AGBL4: variants seen among roughly 807,000 people sequenced by gnomAD.
AGBL4 encodes the protein cytosolic carboxypeptidase 6.
In AGBL4, 58 loss-of-function variants were observed where a neutral mutation model predicts 66.4. The ratio of observed to expected loss-of-function variants is 0.87; its 90% confidence interval spans 0.71 to 1.09. The LOEUF is 1.09. Among genes scored for constraint, AGBL4 ranks in the 50% least tolerant of loss-of-function variants. The pLI is 0.00. For synonymous variants in AGBL4, 234 were observed against 222.9 expected, an observed-to-expected ratio of 1.05 and a Z score of -0.44; for missense variants, 579 against 631.0, an observed-to-expected ratio of 0.92 and a Z score of 0.88.
In AGBL4 at chr1:49,645,395, T is replaced by C. The variant is rs565820760; in HGVS notation, c.282+51918A>G. Among the ~76,000 whole-genome samples, 8 of 106,656 alleles carry C rather than the reference T, an allele frequency of 7.5e-5. No homozygotes were observed. In the East Asian group the frequency reaches 1.6e-3, roughly 22 times the overall value. 70.0% of individuals were successfully genotyped at this position (106,656 alleles called of 152,430 possible). On this transcript the variant is annotated intron_variant, in intron 3 of 13. Coordinates refer to ENST00000371839, the MANE Select transcript of AGBL4 (RefSeq NM_032785.4). ...ATGACAACACTATAGCCTATAATTATCAAAAAAAATTATTATGACAATTTC... is the reference window on the plus strand; with the variant it reads ...ATGACAACACTATAGCCTATAATTACCAAAAAAAATTATTATGACAATTTC...
At chr1:48,585,873 T>C (rs1283397421) in intron 11 of AGBL4, 3 of 152,150 alleles carry the variant, frequency 2.0e-5, no homozygotes, top group Non-Finnish European at 4.4e-5. Context: ...CCCTAAGTCA[T>C]GCCACGTTCA....
chr1:48,803,939 A>G (rs781057784), intron 6 of AGBL4, among the ~76,000 whole-genome samples: 7 of 152,146 alleles, frequency 4.6e-5, no homozygotes, highest in Non-Finnish European at 7.4e-5. Context: ...TTAGTATGTC[A>G]TTTTGTCATT....
intron 5 of AGBL4, among the ~76,000 whole-genome samples, chr1:48,900,454 A>C (rs1326678594): frequency 6.6e-6 from 1 of 152,210 alleles, no homozygotes; most frequent in East Asian, 1.9e-4. Context: ...AGAAAGAACA[A>C]AGTTGATGTA....
At chr1:49,936,290 AAG>A (rs1209287984) in intron 1 of AGBL4, among the ~76,000 whole-genome samples, 1 of 152,152 alleles carries the variant, frequency 6.6e-6, no homozygotes, top group African/African-American at 2.4e-5. Flanking sequence ...TTAGAGAAAA[AAG>A]AATAAAAAGA....
In AGBL4 at chr1:48,694,196, C is replaced by T. The variant is rs1421669781; in HGVS notation, c.635-30955G>A. Among the ~76,000 whole-genome samples the T allele has an allele frequency of 2.6e-5, 4 of 152,138 alleles. No homozygotes were observed. The East Asian group carries it at 7.7e-4, about 29-fold the overall frequency. ...TGGTGCACAAACGAGCGTACCTCACCCCTTAGGAATCCTACAGCAGCAGAG... is the reference window on the plus strand; with the variant it reads ...TGGTGCACAAACGAGCGTACCTCACTCCTTAGGAATCCTACAGCAGCAGAG... On this transcript the variant is annotated intron_variant, in intron 6 of 13. Coordinates refer to ENST00000371839, the MANE Select transcript of AGBL4 (RefSeq NM_032785.4).
intron 5 of AGBL4, among the ~76,000 whole-genome samples, chr1:48,938,517 G>A (rs1198933345): frequency 1.3e-5 from 2 of 152,080 alleles, no homozygotes; most frequent in African/African-American, 4.8e-5. Context: ...CATTTAAACG[G>A]GAATGATAAG....
chr1:48,850,850 A>T (rs187527606), intron 6 of AGBL4, among the ~76,000 whole-genome samples: 1 of 152,342 alleles, frequency 6.6e-6, no homozygotes, highest in East Asian at 1.9e-4. Context: ...AAGGCAGCTG[A>T]GAAATCAGAA....
At chr1:49,847,807 T>C (rs1324806519) in intron 2 of AGBL4, among the ~76,000 whole-genome samples, 1 of 151,906 alleles carries the variant, frequency 6.6e-6, no homozygotes, top group Non-Finnish European at 1.5e-5. Flanking sequence ...GTTCATGCCA[T>C]TCTCCTGCCT....
intron 1 of AGBL4, among the ~76,000 whole-genome samples, chr1:49,938,320 C>A (rs1654332436): frequency 6.6e-6 from 1 of 152,130 alleles, no homozygotes; most frequent in Admixed American, 6.5e-5. Flanking sequence ...CCTGAATAGA[C>A]CAATAACAGG....
intron 5 of AGBL4, among the ~76,000 whole-genome samples, chr1:48,910,445 T>C (rs1169052389): frequency 6.6e-6 from 1 of 152,194 alleles, no homozygotes; most frequent in East Asian, 1.9e-4. Flanking sequence ...AACAGTTATT[T>C]TGAGATGCTC....
At position 49,983,450 on chromosome 1, in the gene AGBL4, T is replaced by G. The variant is rs374205152; in HGVS notation, c.34+40313A>C. 3.4e-4 allele frequency among the ~76,000 whole-genome samples: 52 copies of G among 152,324 alleles called. 1 individual carries two copies. The South Asian group carries it at 9.5e-3, about 28-fold the overall frequency. On this transcript the variant is annotated intron_variant, in intron 1 of 13. Transcript: ENST00000371839. ...ACAGTGGTGGGACCCCATGCTCACT[T>G]GCTCACACACCGCTCGCTGCTCTAC...
At chr1:48,644,038 T>C (rs1328183338) in intron 8 of AGBL4, among the ~76,000 whole-genome samples, 1 of 152,204 alleles carries the variant, frequency 6.6e-6, no homozygotes, top group East Asian at 1.9e-4. Context: ...CCTATTTTTC[T>C]GATCCCTGTA....
Position 49,511,371 on chromosome 1 carries a change from T to C in AGBL4, c.282+185942A>G, listed in dbSNP as rs1475819464. ...ATCGCAAGAACAAAAAACCAAACAC[T>C]ACATATTCTCACTCATAGGTGGGAA... is the stretch of plus-strand genomic sequence containing the variant. On this transcript the variant is annotated intron_variant, in intron 3 of 13. Coordinates refer to ENST00000371839, the MANE Select transcript of AGBL4 (RefSeq NM_032785.4). Among the ~76,000 whole-genome samples the C allele has an allele frequency of 3.9e-4, 57 of 145,634 alleles. 1 individual carries two copies. The highest frequency in any genetic ancestry group is 1.4e-3 in the African/African-American group (55 of 39,566).
At chr1:49,090,147 G>T (rs1221845833) in intron 4 of AGBL4, among the ~76,000 whole-genome samples, 1 of 152,072 alleles carries the variant, frequency 6.6e-6, no homozygotes, top group Non-Finnish European at 1.5e-5. Context: ...ATGGGTAAAA[G>T]CTGGAAGCAT....
chr1:48,835,973 T>C (rs1403794344), intron 6 of AGBL4, among the ~76,000 whole-genome samples: 1 of 152,122 alleles, frequency 6.6e-6, no homozygotes, highest in East Asian at 1.9e-4. Context: ...TGAAAGGTTT[T>C]AAGCCAGTGG....
intron 3 of AGBL4, among the ~76,000 whole-genome samples, chr1:49,304,876 T>A (rs1210847730): frequency 6.6e-6 from 1 of 152,224 alleles, no homozygotes; most frequent in African/African-American, 2.4e-5. Context: ...TTGACAAATA[T>A]GTATGTTATC....
At chr1:48,913,389 G>C (rs1371069227) in intron 5 of AGBL4, among the ~76,000 whole-genome samples, 1 of 152,166 alleles carries the variant, frequency 6.6e-6, no homozygotes, top group Non-Finnish European at 1.5e-5. Flanking sequence ...GTTAGGAACT[G>C]GGATGCACAG....
At chr1:49,222,985 A>T (rs972439298) in intron 4 of AGBL4, among the ~76,000 whole-genome samples, 1 of 152,186 alleles carries the variant, frequency 6.6e-6, no homozygotes, top group African/African-American at 2.4e-5. Flanking sequence ...CCTGTCAGAG[A>T]ACATCCCATA....
intron 3 of AGBL4, among the ~76,000 whole-genome samples, chr1:49,548,354 T>C (rs1652675669): frequency 6.6e-6 from 1 of 152,178 alleles, no homozygotes; most frequent in Admixed American, 6.5e-5. Flanking sequence ...AGAGGATTTG[T>C]GAGAGTGGGC....
Sources: gnomAD v4.1 joint callset for allele counts (sites outside exome capture counted in the v4.1 genomes callset) on GRCh38, gnomAD v4.1.1 for gene constraint, MANE v1.5 for transcripts, NCBI Gene and HGNC (gene_info 2026-07-23, HGNC 2026-07-21) for gene names.